ARHGEF7: variants seen among roughly 807,000 people sequenced by gnomAD.
ARHGEF7 encodes PAK-interacting exchange factor beta.
In ARHGEF7, 33 loss-of-function variants were observed where a neutral mutation model predicts 109.8. The observed-to-expected ratio is 0.30, with a 90% CI of 0.23 to 0.40. ARHGEF7 has a LOEUF of 0.40. Ranked by LOEUF, ARHGEF7 falls within the 10% of genes least tolerant of loss-of-function variation. ARHGEF7 has a pLI of 1.00. For missense variants in ARHGEF7, 938 were observed against 1,098.5 expected, an observed-to-expected ratio of 0.85 and a Z score of 2.07; for synonymous variants, 458 against 424.6, an observed-to-expected ratio of 1.08 and a Z score of -0.97.
chr13:111,193,454 GT>G (rs2080136747), intron 2 of ARHGEF7, among the ~76,000 whole-genome samples: 1 of 152,198 alleles, frequency 6.6e-6, no homozygotes, highest in East Asian at 1.9e-4. Flanking sequence ...ACCTCCTTGG[GT>G]TTTTGCACTG....
At chr13:111,301,561 T>C (rs1226966918) in intron 21 of ARHGEF7, 29 bp downstream of exon 21, 1 of 1,566,288 alleles carries the variant, frequency 6.4e-7, no homozygotes, top group Non-Finnish European at 8.8e-7. Flanking sequence ...TTAAATCTTT[T>C]TTTTCTTTTC....
intron 8 of ARHGEF7, among the ~76,000 whole-genome samples, chr13:111,248,093 A>C (rs556859130): frequency 3.6e-4 from 55 of 152,308 alleles, no homozygotes; most frequent in Middle Eastern, 3.4e-3. Context: ...TGTTACTGAC[A>C]AACATGATCT....
At chr13:111,139,256 G>A (rs74126719) in intron 1 of ARHGEF7, among the ~76,000 whole-genome samples, 3,076 of 152,202 alleles carry the variant, frequency 0.02, 101 homozygotes, top group African/African-American at 0.071. Flanking sequence ...TGCCCAGGGC[G>A]GCACACACTG....
At chr13:111,150,320 G>A (rs2075826114) in intron 1 of ARHGEF7, among the ~76,000 whole-genome samples, 1 of 152,194 alleles carries the variant, frequency 6.6e-6, no homozygotes, top group Admixed American at 6.5e-5. Context: ...TTTGGCTGCT[G>A]TGAGAAGGAC....
At chr13:111,251,606 G>A (rs1025690405) in intron 8 of ARHGEF7, among the ~76,000 whole-genome samples, 3 of 152,224 alleles carry the variant, frequency 2.0e-5, no homozygotes, top group African/African-American at 7.2e-5. Context: ...TACCTTAAAA[G>A]CCACTGACTT....
chr13:111,251,092 G>T (rs1276423886), intron 8 of ARHGEF7, among the ~76,000 whole-genome samples: 2 of 152,224 alleles, frequency 1.3e-5, no homozygotes, highest in East Asian at 3.9e-4. Flanking sequence ...CTGTGATCAT[G>T]GTGGTCTTTG....
At position 111,277,631 on chromosome 13, in the gene ARHGEF7, A is replaced by G. The variant is rs1243619075; in HGVS notation, c.1464A>G (p.Leu488=). 6.2e-7 allele frequency: 1 copy of G among 1,608,440 alleles called. No homozygotes were observed. The highest frequency in any genetic ancestry group is 2.2e-5 in the East Asian group (1 of 44,816). The change falls in exon 13 of 22, where the codon CTA becomes CTG. Residue 488 remains leucine, a synonymous_variant. Transcript: ENST00000646102. ...RYLLLFPNVL[L]MLSASPRMSG... ...TTCTACTCTTCCCAAATGTTTTGCT[A>G]ATGTTGTCTGCCAGTCCTAGGATGA...
intron 2 of ARHGEF7, among the ~76,000 whole-genome samples, chr13:111,197,551 A>G (rs1452368859): frequency 6.6e-6 from 1 of 152,200 alleles, no homozygotes; most frequent in Non-Finnish European, 1.5e-5. Flanking sequence ...TATGCCCCCA[A>G]AATGAAGTGG....
intron 5 of ARHGEF7, among the ~76,000 whole-genome samples, chr13:111,218,217 C>T (rs1003463085): frequency 1.1e-4 from 16 of 151,528 alleles, no homozygotes; most frequent in Non-Finnish European, 2.2e-4. Context: ...GTTGGCAGTC[C>T]GCAGGCTGTG....
Position 111,233,217 on chromosome 13 carries a change from C to CT in ARHGEF7, c.684dup (p.Pro229SerfsTer14). ...ATTTTCATTTCAGAGAAGCCTGTGT[C>CT]TCCCAAATCAGGAACACTGAAGAGC... On this transcript the variant is annotated frameshift_variant, in exon 6 of 22. Transcript: ENST00000646102. LOFTEE classifies it high-confidence loss of function. The CT allele has an allele frequency of 6.2e-7, 1 of 1,613,816 alleles. No individual in the cohort carries two copies. The highest frequency in any genetic ancestry group is 8.5e-7 in the Non-Finnish European group (1 of 1,179,724).
intron 2 of ARHGEF7, among the ~76,000 whole-genome samples, chr13:111,164,254 G>A (rs1050014528): frequency 1.3e-5 from 2 of 152,230 alleles, no homozygotes; most frequent in Non-Finnish European, 2.9e-5. Flanking sequence ...AGAAGTCACA[G>A]GTCCCGGCTC....
chr13:111,272,807 A>G lies in ARHGEF7; in HGVS notation c.1074-1007A>G, dbSNP rs1009537185. On this transcript the variant is annotated intron_variant, in intron 9 of 21. Coordinates refer to ENST00000646102, the MANE Select transcript of ARHGEF7 (RefSeq NM_001354046.2). This position sits in a 1 kb window ranked among gnomAD's most constrained non-coding sequence, Gnocchi z 5.2. ...ATGCAATTTGAGGGACAGCAGACCCAGGGCCTGACAGAGACCTCAGAGATC... is the reference window on the plus strand; with the variant it reads ...ATGCAATTTGAGGGACAGCAGACCCGGGGCCTGACAGAGACCTCAGAGATC... Among the ~76,000 whole-genome samples the G allele has an allele frequency of 6.6e-6, 1 of 152,180 alleles. No homozygotes were observed. The highest frequency in any genetic ancestry group is 2.4e-5 in the African/African-American group (1 of 41,448).
intron 19 of ARHGEF7, chr13:111,294,176 AATAAG>A (rs2093369160): frequency 1.0e-6 from 1 of 985,312 alleles, no homozygotes; most frequent in Non-Finnish European, 1.2e-6. Flanking sequence ...TTTTTGGAGA[AATAAG>A]ATAACTACAA....
chr13:111,293,449 A>C (rs1423979608), intron 19 of ARHGEF7: 6 of 984,506 alleles, frequency 6.1e-6, no homozygotes, highest in Non-Finnish European at 7.2e-6. Flanking sequence ...AAAAAAAAAA[A>C]AAAAACTCAC....
At chr13:111,158,429 A>AT (rs1417550634) in intron 2 of ARHGEF7, among the ~76,000 whole-genome samples, 1 of 152,278 alleles carries the variant, frequency 6.6e-6, no homozygotes, top group Non-Finnish European at 1.5e-5. Flanking sequence ...GTTTGATATG[A>AT]TAGGGATGGT....
intron 1 of ARHGEF7, among the ~76,000 whole-genome samples, chr13:111,150,145 C>T (rs2075820328): frequency 1.3e-5 from 2 of 152,222 alleles, no homozygotes; most frequent in South Asian, 4.1e-4. Flanking sequence ...AAAATTGGTT[C>T]AGCCTTGTCT....
intron 1 of ARHGEF7, among the ~76,000 whole-genome samples, chr13:111,137,582 T>C (rs1471482130): frequency 6.6e-6 from 1 of 152,166 alleles, no homozygotes; most frequent in Non-Finnish European, 1.5e-5. Context: ...TATTTAAGCA[T>C]GGAGGCAGAG....
chr13:111,268,141 C>G (rs1404690328), intron 9 of ARHGEF7, among the ~76,000 whole-genome samples: 1 of 152,188 alleles, frequency 6.6e-6, no homozygotes, highest in Non-Finnish European at 1.5e-5. Context: ...AATGCACAGA[C>G]GTTTTGCTTA....
rs768643344 is a variant in ARHGEF7, at chr13:111,217,680, A to C, written c.470A>C (p.Asp157Ala). 15 of 1,613,650 alleles carry C rather than the reference A, an allele frequency of 9.3e-6. No homozygotes were observed. The South Asian group carries it at 1.4e-4, about 15-fold the overall frequency. ...CTCCCACTCTTCTTCCCCTTTTAGG[A>C]CATGACCGATAATAGCAACAATCAA... ...KLFQGQYRSL[D>A]MTDNSNNQLV... is the part of the protein sequence containing the mutation. The change falls in exon 5 of 22, where the codon GAC (aspartate) becomes GCC (alanine). Residue 157 changes from aspartate (D) to alanine (A), a missense_variant and splice_region_variant. Asp to Ala is a moderately radical substitution (Grantham distance 126). Coordinates refer to ENST00000646102, the MANE Select transcript of ARHGEF7 (RefSeq NM_001354046.2).
Sources: gnomAD v4.1 joint callset for allele counts (sites outside exome capture counted in the v4.1 genomes callset) on GRCh38, gnomAD v4.1.1 for gene constraint, Gnocchi (gnomAD v3.1) non-coding constraint, MANE v1.5 for transcripts, NCBI Gene and HGNC (gene_info 2026-07-23, HGNC 2026-07-21) for gene names.